The following ZNF331 variants were observed in gnomAD, a reference collection of about 807,000 sequenced individuals.
The protein encoded by ZNF331 is C2H2-like zinc finger protein rearranged in thyroid adenomas.
ZNF331 carries 2 observed loss-of-function variants against 7.0 expected under a neutral mutation model. That is an observed-to-expected ratio of 0.29 (90% CI 0.12 to 0.90). The LOEUF (loss-of-function observed/expected upper bound fraction) is 0.90. ZNF331 is among the 40% of genes least tolerant of loss of function. ZNF331 has a pLI of 0.58. For missense variants in ZNF331, 432 were observed against 587.7 expected, an observed-to-expected ratio of 0.74 and a Z score of 2.74; for synonymous variants, 196 against 205.4, an observed-to-expected ratio of 0.95 and a Z score of 0.39.
upstream of ZNF331, among the ~76,000 whole-genome samples, chr19:53,516,168 G>A (rs2086898485): frequency 6.6e-6 from 1 of 151,978 alleles, no homozygotes; most frequent in Non-Finnish European, 1.5e-5. Context: ...TGTATTTATT[G>A]GGCCGGGCGT....
chr19:53,565,772 G>A (rs1053082909), intron 3 of ZNF331, among the ~76,000 whole-genome samples: 21 of 151,950 alleles, frequency 1.4e-4, no homozygotes, highest in African/African-American at 3.4e-4. Flanking sequence ...CAGGTGATCC[G>A]CCCGCCTCAG....
At position 53,577,239 on chromosome 19, in the gene ZNF331, G is replaced by A. The variant is rs1467335194; in HGVS notation, c.679G>A (p.Gly227Ser). 6.2e-7 allele frequency: 1 copy of A among 1,614,040 alleles called. No homozygotes were observed. The highest frequency in any genetic ancestry group is 8.5e-7 in the Non-Finnish European group (1 of 1,180,020). ...AGACTGTGGAAAGGCCTTTCGGCGT[G>A]GTGATGAGCTCACTCAGCACCAGAG... is the stretch of plus-strand genomic sequence containing the variant. ...CKDCGKAFRR[G>S]DELTQHQRFH... The change falls in exon 6 of 6, where the codon GGT becomes AGT. Residue 227 changes from glycine (G) to serine (S), a missense_variant. Gly to Ser is a moderately conservative substitution (Grantham distance 56). Coordinates refer to ENST00000449416, the MANE Select transcript of ZNF331 (RefSeq NM_001079906.2).
upstream of ZNF331, among the ~76,000 whole-genome samples, chr19:53,534,131 G>A (rs762375519): frequency 6.6e-6 from 1 of 152,144 alleles, no homozygotes; most frequent in Non-Finnish European, 1.5e-5. Flanking sequence ...ATCAGGGGGT[G>A]ACATCTTAAG....
At chr19:53,544,544 C>CAA (rs966045578) in intron 2 of ZNF331, among the ~76,000 whole-genome samples, 7 of 94,198 alleles carry the variant, frequency 7.4e-5, no homozygotes, top group Admixed American at 1.1e-4. Flanking sequence ...GACTCCGTCT[C>CAA]AAAAAAAAAA....
rs1230863145 is a variant in ZNF331 at position 53,577,746 on chromosome 19, T to G, written c.1186T>G (p.Ser396Ala). The G allele has an allele frequency of 6.2e-7, 1 of 1,613,856 alleles. No homozygotes were observed. Among genetic ancestry groups the G allele is most frequent in the East Asian group, 2.2e-5 (1 of 44,872 alleles). Residue 396 changes from serine (S) to alanine (A), a missense_variant, in exon 6 of 6, where the codon TCG becomes GCG. Physicochemically the swap from Ser to Ala is moderately conservative, Grantham distance 99 (BLOSUM62 1). Around this residue, in one of 3 missense-constraint regions of ZNF331, gnomAD observed 312 missense variants for 448.6 expected, o/e 0.70. Transcript: ENST00000449416. ...KECGKAFIYG[S>A]SLVKHERIHT... ...GTGTGGGAAGGCTTTCATTTATGGA[T>G]CGAGCCTCGTGAAACATGAGAGAAT... is the stretch of plus-strand genomic sequence containing the variant.
At chr19:53,543,706 G>C (rs1445756532) in intron 2 of ZNF331, among the ~76,000 whole-genome samples, 1 of 152,164 alleles carries the variant, frequency 6.6e-6, no homozygotes, top group Non-Finnish European at 1.5e-5. Context: ...ATATTATTGA[G>C]TGTTTTACAT....
chr19:53,506,894 A>C, the ZNF331 span, among the ~76,000 whole-genome samples: 1 of 152,076 alleles, frequency 6.6e-6, no homozygotes, highest in African/African-American at 2.4e-5. Flanking sequence ...GTTGGGGGCG[A>C]GTCATTAGGA....
intron 3 of ZNF331, among the ~76,000 whole-genome samples, chr19:53,566,437 C>G (rs1034435716): frequency 1.1e-4 from 16 of 152,130 alleles, no homozygotes; most frequent in African/African-American, 3.9e-4. Flanking sequence ...GGTTTACAGG[C>G]ACCCGCCACC....
chr19:53,507,438 G>A, the ZNF331 span, among the ~76,000 whole-genome samples: 1 of 152,154 alleles, frequency 6.6e-6, no homozygotes, highest in Non-Finnish European at 1.5e-5. Flanking sequence ...TGTATTCTGG[G>A]AGGAAAATGG....
chr19:53,556,995 T>C (rs1399008161), intron 3 of ZNF331, among the ~76,000 whole-genome samples: 1 of 133,418 alleles, frequency 7.5e-6, no homozygotes, highest in Non-Finnish European at 1.6e-5. Flanking sequence ...TTTTTTTTTT[T>C]TTTTGGTAGA....
intron 5 of ZNF331, 39 bp from the exon 6 acceptor site, chr19:53,576,658 G>A: frequency 6.5e-7 from 1 of 1,543,008 alleles, no homozygotes; most frequent in Admixed American, 2.1e-5. Flanking sequence ...TTGTACTTGT[G>A]TCCCTCTAAA....
In ZNF331 at chr19:53,573,110, T is replaced by C. The variant is rs1180171425; in HGVS notation, c.136+1380T>C. On this transcript the variant is annotated intron_variant, in intron 5 of 5. Coordinates refer to ENST00000449416, the MANE Select transcript of ZNF331 (RefSeq NM_001079906.2). The surrounding 1 kb of genome is among the most constrained non-coding windows in gnomAD (Gnocchi z 4.2). Reference sequence around the variant, plus strand: ...GGCGCACGCCTGTGATCTCAGCTACTCCGGAGGCTGGTGCAGGAGAATCAT... The same window carrying C: ...GGCGCACGCCTGTGATCTCAGCTACCCCGGAGGCTGGTGCAGGAGAATCAT... Among the ~76,000 whole-genome samples the C allele has an allele frequency of 6.6e-6, 1 of 152,006 alleles. No individual in the cohort carries two copies. Among genetic ancestry groups the C allele is most frequent in the Non-Finnish European group, 1.5e-5 (1 of 68,020 alleles).
upstream of ZNF331, among the ~76,000 whole-genome samples, chr19:53,535,016 AC>A (rs1438364412): frequency 3.0e-3 from 177 of 58,792 alleles, no homozygotes; most frequent in African/African-American, 0.011. Context: ...AAAGCCTGTA[AC>A]CAAAAAAAAA....
chr19:53,533,940 A>G (rs573357802), upstream of ZNF331, among the ~76,000 whole-genome samples: 10 of 152,330 alleles, frequency 6.6e-5, no homozygotes, highest in African/African-American at 2.4e-4. Context: ...GATTAACACA[A>G]ATATAGAATG....
At chr19:53,565,547 G>A (rs1407975112) in intron 3 of ZNF331, among the ~76,000 whole-genome samples, 1 of 151,094 alleles carries the variant, frequency 6.6e-6, no homozygotes, top group East Asian at 1.9e-4. Context: ...TTCTTTTTGA[G>A]ACAGAGTCTC....
rs1292751272 is a variant in ZNF331, at chr19:53,578,463, C to T, written c.*511C>T. On this transcript the variant is annotated 3_prime_UTR_variant, in exon 6 of 6. Transcript: ENST00000449416. ...AATAAGATATTTTGGGAGAGAGATACGTTCACATAATTTTATTACATATAT... is the reference window on the plus strand; with the variant it reads ...AATAAGATATTTTGGGAGAGAGATATGTTCACATAATTTTATTACATATAT... 2 of 228,158 alleles carry T rather than the reference C, an allele frequency of 8.8e-6. No individual in the cohort carries two copies. The highest frequency in any genetic ancestry group is 1.7e-5 in the Non-Finnish European group (2 of 115,038). 14.1% of individuals were successfully genotyped at this position (228,158 alleles called of 1,614,324 possible). A position where few individuals can be genotyped will look rare whatever the true frequency, so the allele number is the denominator to read the frequency against.
In ZNF331 at chr19:53,562,166, G is replaced by A. The variant is rs1193825152; in HGVS notation, c.-74+6258G>A. ...CTGTCTCAAAAAATAAGATAAAATA[G>A]CTAGAGATTCTAGAATTGTAATGTT... On this transcript the variant is annotated intron_variant, in intron 3 of 5. Coordinates refer to ENST00000449416, the MANE Select transcript of ZNF331 (RefSeq NM_001079906.2). Among the ~76,000 whole-genome samples, 4 of 151,718 alleles carry A rather than the reference G, an allele frequency of 2.6e-5. No individual in the cohort carries two copies. In the East Asian group the frequency reaches 7.8e-4, roughly 29 times the overall value.
At chr19:53,505,965 A>T in the ZNF331 span, among the ~76,000 whole-genome samples, 1 of 152,044 alleles carries the variant, frequency 6.6e-6, no homozygotes, top group Non-Finnish European at 1.5e-5. Flanking sequence ...GCCTGGCGAC[A>T]GAGCAAGACT....
intron 5 of ZNF331, among the ~76,000 whole-genome samples, chr19:53,575,701 T>G (rs1051224212): frequency 1.3e-5 from 2 of 151,484 alleles, no homozygotes; most frequent in African/African-American, 4.9e-5. Flanking sequence ...TTTGTTTTTT[T>G]GATATGGAGT....
Sources: gnomAD v4.1 joint callset for allele counts (sites outside exome capture counted in the v4.1 genomes callset) on GRCh38, gnomAD v4.1.1 for gene constraint, gnomAD v4.1.1 regional missense constraint, Gnocchi (gnomAD v3.1) non-coding constraint, MANE v1.5 for transcripts, NCBI Gene and HGNC (gene_info 2026-07-23, HGNC 2026-07-21) for gene names.